ELP4: variants seen among roughly 807,000 people sequenced by gnomAD.
The protein encoded by ELP4 is elongator acetyltransferase complex subunit 4.
A neutral mutation model predicts 48.9 loss-of-function variants in ELP4; 51 were observed. That is an observed-to-expected ratio of 1.04 (90% CI 0.83 to 1.32). The LOEUF (loss-of-function observed/expected upper bound fraction) is 1.32. ELP4 is among the 40% of genes most tolerant of loss of function. The pLI, the probability that ELP4 is intolerant of heterozygous loss-of-function variation, is 0.00. For missense variants in ELP4, 519 were observed against 514.6 expected (o/e 1.01, Z -0.08); for synonymous variants, 210 against 189.2 (o/e 1.11, Z -0.90).
chr11:31,539,264 A>C (rs897378427), intron 2 of ELP4, among the ~76,000 whole-genome samples: 1 of 152,166 alleles, frequency 6.6e-6, no homozygotes, highest in East Asian at 1.9e-4. Flanking sequence ...GGAGATCGAG[A>C]CCATCCTGGC....
chr11:31,517,484 CTAAG>C (rs1956136325), intron 1 of ELP4, among the ~76,000 whole-genome samples: 1 of 151,906 alleles, frequency 6.6e-6, no homozygotes, highest in South Asian at 2.1e-4. Flanking sequence ...ACTTTTGTTA[CTAAG>C]TTTTTCTGTA....
In ELP4 at chr11:31,790,096, A is replaced by T; in HGVS notation, c.*6572A>T. On this transcript the variant is annotated 3_prime_UTR_variant, in exon 10 of 10. Coordinates refer to ENST00000640961, the MANE Select transcript of ELP4 (RefSeq NM_019040.5). ...ACATGGAATACAAATTTATAGGTTT[A>T]CAAAAAAAAAAAAAAAAAAAAAAAC... The T allele has an allele frequency of 1.9e-6, 1 of 531,186 alleles. No homozygotes were observed. The allele number at this position is 531,186 out of a possible 1,614,324, so 32.9% of individuals were successfully genotyped here. A position where few individuals can be genotyped will look rare whatever the true frequency, so the allele number is the denominator to read the frequency against.
chr11:31,721,829 A>C (rs1946966693), intron 9 of ELP4, among the ~76,000 whole-genome samples: 1 of 152,210 alleles, frequency 6.6e-6, no homozygotes, highest in African/African-American at 2.4e-5. Flanking sequence ...TTTTGTTTCT[A>C]TGTACTTTTT....
chr11:31,662,813 T>C (rs543888769), intron 9 of ELP4: 1 of 361,804 alleles, frequency 2.8e-6, no homozygotes, highest in African/African-American at 2.1e-5. Context: ...TCTGCATTAA[T>C]GTCTCTCTGA....
At chr11:31,593,658 C>G (rs1957626282) in intron 3 of ELP4, among the ~76,000 whole-genome samples, 1 of 152,126 alleles carries the variant, frequency 6.6e-6, no homozygotes. Flanking sequence ...ACTGGACATT[C>G]TAGTTGCCGA....
Position 31,632,184 on chromosome 11 carries a change from T to A in ELP4, c.739-33T>A, listed in dbSNP as rs774788044. 17 of 1,565,958 alleles carry A rather than the reference T, an allele frequency of 1.1e-5. No homozygotes were observed. The Admixed American group carries it at 3.1e-4, about 29-fold the overall frequency. ...TGGTATTCTATTGATTAACAAAACT[T>A]TATATGTTTGCTTTTTTCCCACTTT... On this transcript the variant is annotated intron_variant, in intron 6 of 9. Transcript: ENST00000640961.
intron 2 of ELP4, among the ~76,000 whole-genome samples, chr11:31,536,678 T>C (rs1054692877): frequency 6.6e-6 from 1 of 152,224 alleles, no homozygotes; most frequent in Non-Finnish European, 1.5e-5. Context: ...AATGTAGTTA[T>C]AGTGTTTTGC....
chr11:31,576,541 G>A (rs2133964438), intron 3 of ELP4, among the ~76,000 whole-genome samples: 1 of 152,298 alleles, frequency 6.6e-6, no homozygotes, highest in Admixed American at 6.5e-5. Flanking sequence ...ATAGTTGGAA[G>A]TAAAGCACTC....
intron 9 of ELP4, among the ~76,000 whole-genome samples, chr11:31,742,171 T>A (rs1947469894): frequency 6.6e-6 from 1 of 151,898 alleles, no homozygotes; most frequent in Non-Finnish European, 1.5e-5. Flanking sequence ...ATGAATGAAA[T>A]GAAGCGAGAA....
At chr11:31,757,076 C>A (rs1165585379) in intron 9 of ELP4, among the ~76,000 whole-genome samples, 1 of 152,168 alleles carries the variant, frequency 6.6e-6, no homozygotes, top group Non-Finnish European at 1.5e-5. Flanking sequence ...TCACCAAAAA[C>A]TGTGTTTTAA....
chr11:31,756,745 GT>G (rs1947842155), intron 9 of ELP4, among the ~76,000 whole-genome samples: 1 of 152,172 alleles, frequency 6.6e-6, no homozygotes, highest in Non-Finnish European at 1.5e-5. Context: ...AGCAAAAAAA[GT>G]TTTCCCTGCT....
intron 3 of ELP4, among the ~76,000 whole-genome samples, chr11:31,588,713 T>C (rs1471064509): frequency 6.6e-6 from 1 of 152,240 alleles, no homozygotes; most frequent in East Asian, 1.9e-4. Context: ...TTGGGCACAG[T>C]GGCTCACGCC....
chr11:31,543,334 T>C (rs538950433), intron 3 of ELP4, among the ~76,000 whole-genome samples: 1 of 152,216 alleles, frequency 6.6e-6, no homozygotes, highest in South Asian at 2.1e-4. Context: ...TGTTTTTTGT[T>C]TTTGGGACGG....
intron 9 of ELP4, among the ~76,000 whole-genome samples, chr11:31,746,752 G>C (rs975805138): frequency 2.6e-5 from 4 of 152,056 alleles, no homozygotes; most frequent in Non-Finnish European, 2.9e-5. Flanking sequence ...GTCGGTGGAG[G>C]GGGGAGGGAT....
chr11:31,745,550 C>T (rs1402118267), intron 9 of ELP4, among the ~76,000 whole-genome samples: 2 of 152,120 alleles, frequency 1.3e-5, no homozygotes, highest in African/African-American at 2.4e-5. Flanking sequence ...GAGATATAGA[C>T]CAATGGAACA....
intron 9 of ELP4, among the ~76,000 whole-genome samples, chr11:31,737,381 A>T (rs1947343299): frequency 6.6e-6 from 1 of 152,072 alleles, no homozygotes; most frequent in Non-Finnish European, 1.5e-5. Context: ...TGACAAGTTA[A>T]TGAGTGCAGC....
chr11:31,760,795 G>A (rs1947928920), intron 9 of ELP4, among the ~76,000 whole-genome samples: 1 of 152,134 alleles, frequency 6.6e-6, no homozygotes, highest in Non-Finnish European at 1.5e-5. Context: ...TATAATAGCA[G>A]AGACCAGTCA....
chr11:31,738,736 G>T (rs1947379157), intron 9 of ELP4, among the ~76,000 whole-genome samples: 1 of 150,924 alleles, frequency 6.6e-6, no homozygotes, highest in African/African-American at 2.4e-5. Context: ...GTGAGACCTT[G>T]TCTCAAAAAA....
chr11:31,535,677 G>A (rs567445330), intron 2 of ELP4, among the ~76,000 whole-genome samples: 14 of 152,260 alleles, frequency 9.2e-5, no homozygotes, highest in African/African-American at 3.4e-4. Context: ...TTTTACGACT[G>A]TATATACTCA....
Sources: allele counts gnomAD v4.1 joint callset (sites outside exome capture counted in the v4.1 genomes callset), GRCh38; gene constraint gnomAD v4.1.1; transcripts MANE v1.5; gene names NCBI Gene and HGNC (gene_info 2026-07-23, HGNC 2026-07-21).